The following PRCP variants were observed in gnomAD, a reference collection of about 807,000 sequenced individuals.
The protein encoded by PRCP is lysosomal Pro-X carboxypeptidase.
Under a neutral mutation model 54.2 loss-of-function variants are expected in PRCP, and 46 were observed. The observed-to-expected ratio is 0.85, with a 90% confidence interval of 0.67 to 1.09. The LOEUF (loss-of-function observed/expected upper bound fraction) is 1.09, where lower values mean the gene tolerates loss of function less well. PRCP is among the 50% of genes least tolerant of loss of function. The pLI is 0.00. For synonymous variants in PRCP, 240 were observed against 212.2 expected, an observed-to-expected ratio of 1.13 and a Z score of -1.14; for missense variants, 613 against 596.8, an observed-to-expected ratio of 1.03 and a Z score of -0.28.
intron 8 of PRCP, chr11:82,835,704 A>T (rs1210579517): frequency 9.1e-6 from 3 of 329,212 alleles, no homozygotes; most frequent in Non-Finnish European, 1.8e-5. Context: ...GATGTTCTAG[A>T]TGACTTGAAC....
intron 8 of PRCP, chr11:82,827,344 T>C (rs1285371295): frequency 6.6e-6 from 1 of 152,190 alleles, no homozygotes; most frequent in Non-Finnish European, 1.5e-5. Flanking sequence ...TAACCCACGG[T>C]CATGAAGATT....
rs1057033546 is a variant in PRCP, at chr11:82,856,909, G to A, written c.309+3068C>T. On this transcript the variant is annotated intron_variant, in intron 2 of 8. Coordinates refer to ENST00000313010, the MANE Select transcript of PRCP (RefSeq NM_005040.4). The stretch of plus-strand genomic sequence containing the variant: ...AAATTAGCCGGGCGTGGTGGCAGGC[G>A]CCTGTAGTCCCAGCTACTCGGGAGG... Among the ~76,000 whole-genome samples, 9 of 151,794 alleles carry A rather than the reference G, an allele frequency of 5.9e-5. No individual in the cohort carries two copies. In the East Asian group the frequency reaches 7.8e-4, roughly 13 times the overall value.
chr11:82,878,810 T>A (rs1276260470), intron 1 of PRCP, among the ~76,000 whole-genome samples: 2 of 152,186 alleles, frequency 1.3e-5, no homozygotes, highest in South Asian at 4.1e-4. Flanking sequence ...AAGTTTAGTT[T>A]GGCTGGATAT....
chr11:82,833,547 G>T (rs1366023000), intron 8 of PRCP, among the ~76,000 whole-genome samples: 1 of 152,122 alleles, frequency 6.6e-6, no homozygotes, highest in Non-Finnish European at 1.5e-5. Flanking sequence ...ATTCCTCCAG[G>T]ATCTAGAGCC....
rs761508715 is a variant in PRCP, at chr11:82,859,978, G to A, written c.308C>T (p.Thr103Met). Residue 103 changes from threonine (T) to methionine (M), a missense_variant and splice_region_variant, in exon 2 of 9, where the codon ACG (threonine) becomes ATG (methionine). Transcript: ENST00000313010. ...EGDIIWFCNN[T>M]GFMWDVAEEL... Reference sequence around the variant, plus strand: ...GGAATTTCATGAATCTGCACATACCGTGTTATTACAAAACCAGATAATGTC... The same window carrying A: ...GGAATTTCATGAATCTGCACATACCATGTTATTACAAAACCAGATAATGTC... 42 of 1,576,180 alleles carry A rather than the reference G, an allele frequency of 2.7e-5. No individual in the cohort carries two copies. The highest frequency in any genetic ancestry group is 1.7e-4 in the Middle Eastern group (1 of 5,994).
At chr11:82,863,461 A>G (rs1187965484) in intron 1 of PRCP, among the ~76,000 whole-genome samples, 2 of 152,178 alleles carry the variant, frequency 1.3e-5, no homozygotes, top group African/African-American at 4.8e-5. Context: ...GGAAAGACTG[A>G]CTGTGTTGGA....
intron 1 of PRCP, among the ~76,000 whole-genome samples, chr11:82,879,810 C>T (rs1038660070): frequency 1.3e-5 from 2 of 152,146 alleles, no homozygotes; most frequent in Non-Finnish European, 2.9e-5. Context: ...CCTTCCAGAC[C>T]CTGTTTGCCT....
rs1276004362 is a variant in PRCP, at chr11:82,824,923, C to T, written c.1474G>A (p.Ala492Thr). 26 of 1,613,868 alleles carry T rather than the reference C, an allele frequency of 1.6e-5. No homozygotes were observed. Among genetic ancestry groups the T allele is most frequent in the Non-Finnish European group, 2.2e-5 (26 of 1,179,948 alleles). Reference sequence around the variant, plus strand: ...AAAGTTTCTCAGTGCTGCTTTCCCGCACTGTCATAGAAATCTCTGATCCAA... The same window carrying T: ...AAAGTTTCTCAGTGCTGCTTTCCCGTACTGTCATAGAAATCTCTGATCCAA... ...KNWIRDFYDS[A>T]GKQH The change falls in exon 9 of 9, where the codon GCG (alanine) becomes ACG (threonine). Residue 492 changes from alanine to threonine, a missense_variant. Physicochemically the swap from Ala to Thr is moderately conservative, Grantham distance 58. Coordinates refer to ENST00000313010, the MANE Select transcript of PRCP (RefSeq NM_005040.4).
rs569878503 is a variant in PRCP, at chr11:82,828,713, T to C, written c.1275-3591A>G. The C allele has an allele frequency of 2.7e-4, 41 of 152,332 alleles. 1 individual carries two copies. Among genetic ancestry groups the C allele is most frequent in the African/African-American group, 9.9e-4 (41 of 41,580 alleles). The allele number at this position is 152,332 out of a possible 1,614,324, so 9.4% of individuals were successfully genotyped here. On this transcript the variant is annotated intron_variant, in intron 8 of 8. Transcript: ENST00000313010. ...GCTATAAGTACAACCTATATACAGA[T>C]GACTACCAAATAATGTATCTAGCCA...
chr11:82,841,106 G>C (rs952629122), intron 6 of PRCP, among the ~76,000 whole-genome samples: 1 of 99,184 alleles, frequency 1.0e-5, no homozygotes, highest in African/African-American at 4.7e-5. Flanking sequence ...GCCAGGAAAG[G>C]AGCCCAGTCA....
intron 3 of PRCP, among the ~76,000 whole-genome samples, chr11:82,852,487 C>G (rs1858980651): frequency 6.6e-6 from 1 of 152,062 alleles, no homozygotes; most frequent in Non-Finnish European, 1.5e-5. Context: ...TAAAGAATAA[C>G]CAGTACACAG....
intron 2 of PRCP, among the ~76,000 whole-genome samples, chr11:82,857,992 TG>T (rs1172505939): frequency 6.6e-6 from 1 of 152,206 alleles, no homozygotes; most frequent in Non-Finnish European, 1.5e-5. Flanking sequence ...CACCAGACCG[TG>T]AGTATCTTAA....
At chr11:82,866,416 T>G (rs1859336625) in intron 1 of PRCP, among the ~76,000 whole-genome samples, 1 of 152,192 alleles carries the variant, frequency 6.6e-6, no homozygotes, top group Non-Finnish European at 1.5e-5. Context: ...TCGTATGTAA[T>G]AAGACACTGC....
Position 82,900,297 on chromosome 11 carries a change from T to G in PRCP, c.106A>C (p.Thr36Pro). 1 of 1,614,244 alleles carries G rather than the reference T, an allele frequency of 6.2e-7. No homozygotes were observed. Among genetic ancestry groups the G allele is most frequent in the Non-Finnish European group, 8.5e-7 (1 of 1,180,044 alleles). The change falls in exon 1 of 9, where the codon ACC (threonine) becomes CCC (proline). Residue 36 changes from threonine (T) to proline (P), a missense_variant. By Grantham distance (38) the Thr-to-Pro change is conservative. Coordinates refer to ENST00000313010, the MANE Select transcript of PRCP (RefSeq NM_005040.4). ...LRALGSLHLP[T>P]NPTSLPAVAK... Reference sequence around the variant, plus strand: ...ACAGCCGGGAGGGATGTGGGGTTGGTTGGCAAGTGTAGGCTGCCGAGGGCC... The same window carrying G: ...ACAGCCGGGAGGGATGTGGGGTTGGGTGGCAAGTGTAGGCTGCCGAGGGCC...
chr11:82,828,293 AGCTTACACTCTCTTGTGTGCT>A (rs1188563095), intron 8 of PRCP: 2 of 152,250 alleles, frequency 1.3e-5, no homozygotes, highest in African/African-American at 4.8e-5. Context: ...GGAAGTCGAC[AGCTTACACTCTCTTGTGTGCT>A]GCAAAGTAAG....
Position 82,824,856 on chromosome 11 carries a change from A to G in PRCP, c.*50T>C, listed in dbSNP as rs1224088692. 1 of 1,519,928 alleles carries G rather than the reference A, an allele frequency of 6.6e-7. No individual in the cohort carries two copies. Among genetic ancestry groups the G allele is most frequent in the South Asian group, 1.2e-5 (1 of 85,346 alleles). The allele number at this position is 1,519,928 out of a possible 1,614,324, so 94.2% of individuals were successfully genotyped here. A position where few individuals can be genotyped will look rare whatever the true frequency, so the allele number is the denominator to read the frequency against. On this transcript the variant is annotated 3_prime_UTR_variant, in exon 9 of 9. Transcript: ENST00000313010. ...ATGTAGAAAATCAAAGTGAATGGGAATGTGGTGGTGTGAACATAAAAGAAG... is the reference window on the plus strand; with the variant it reads ...ATGTAGAAAATCAAAGTGAATGGGAGTGTGGTGGTGTGAACATAAAAGAAG...
intron 6 of PRCP, chr11:82,839,751 C>T: frequency 3.7e-6 from 1 of 270,328 alleles, no homozygotes; most frequent in East Asian, 1.2e-4. Flanking sequence ...TCCCCTTTGC[C>T]CTTTCTCACC....
rs201717050 is a variant in PRCP, at chr11:82,874,703, A to AG, written c.169-14587_169-14586insC. Among the ~76,000 whole-genome samples, 1,074 of 150,182 alleles carry AG rather than the reference A, an allele frequency of 7.2e-3. 40 individuals carry two copies. Among genetic ancestry groups the AG allele is most frequent in the Admixed American group, 0.062 (929 of 15,070 alleles). On this transcript the variant is annotated intron_variant, in intron 1 of 8. Coordinates refer to ENST00000313010, the MANE Select transcript of PRCP (RefSeq NM_005040.4). ...GAGACCCTGTCTCAAAAAAAAAAAA[A>AG]AAAAAAGAAAAAAAAGAAAACTAGT... is the stretch of plus-strand genomic sequence containing the variant.
intron 6 of PRCP, chr11:82,843,168 G>A (rs1858716728): frequency 6.6e-6 from 1 of 152,162 alleles, no homozygotes; most frequent in East Asian, 1.9e-4. Context: ...ACTTAACCAG[G>A]TGTGATGGCA....
Sources: gnomAD v4.1 joint callset for allele counts (sites outside exome capture counted in the v4.1 genomes callset) on GRCh38, gnomAD v4.1.1 for gene constraint, MANE v1.5 for transcripts, NCBI Gene and HGNC (gene_info 2026-07-23, HGNC 2026-07-21) for gene names.